The following AKAP6 variants were observed in gnomAD, a reference collection of about 807,000 sequenced individuals.
AKAP6 encodes the protein A-kinase anchoring protein 6, also known as A-kinase anchor protein 6.
AKAP6 carries 58 observed loss-of-function variants against 188.5 expected under a neutral mutation model. The observed-to-expected ratio is 0.31, with a 90% confidence interval of 0.25 to 0.38. The LOEUF (loss-of-function observed/expected upper bound fraction) is 0.38, where lower values mean the gene tolerates loss of function less well. AKAP6 is among the 10% of genes least tolerant of loss of function. AKAP6 has a pLI of 1.00. For synonymous variants in AKAP6, 989 were observed against 998.6 expected (o/e 0.99, Z 0.18); for missense variants, 2,710 against 2,740.0 (o/e 0.99, Z 0.24).
At chr14:32,750,745 T>TG (rs1566685794) in intron 11 of AKAP6, among the ~76,000 whole-genome samples, 164 of 141,486 alleles carry the variant, frequency 1.2e-3, no homozygotes, top group African/African-American at 4.2e-3. Context: ...TTGTTTTTTT[T>TG]TTTTTGTTTT....
intron 5 of AKAP6, among the ~76,000 whole-genome samples, chr14:32,593,601 T>C (rs1885572510): frequency 6.6e-6 from 1 of 152,152 alleles, no homozygotes; most frequent in African/African-American, 2.4e-5. Context: ...CTTTTGAAAA[T>C]GCTCTGATTT....
intron 5 of AKAP6, among the ~76,000 whole-genome samples, chr14:32,593,817 G>A (rs533130136): frequency 6.6e-6 from 1 of 152,196 alleles, no homozygotes; most frequent in South Asian, 2.1e-4. Flanking sequence ...TTATCAGTCT[G>A]GGCTTGCTCT....
In AKAP6 at chr14:32,830,082, A is replaced by C. The variant is rs36216228; in HGVS notation, c.*277A>C. The C allele has an allele frequency of 8.3e-3, 5,474 of 658,416 alleles. 68 individuals carry two copies. Among genetic ancestry groups the C allele is most frequent in the Non-Finnish European group, 0.01 (3,761 of 361,694 alleles). The allele number at this position is 658,416 out of a possible 1,614,324, so 40.8% of individuals were successfully genotyped here. A position where few individuals can be genotyped will look rare whatever the true frequency, so the allele number is the denominator to read the frequency against. On this transcript the variant is annotated 3_prime_UTR_variant, in exon 14 of 14. Coordinates refer to ENST00000280979, the MANE Select transcript of AKAP6 (RefSeq NM_004274.5). ...TGTTCTCCCATGGATTCCTGTCCCA[A>C]GCTACCTCTACCAACCCTCTCTCTC...
chr14:32,818,214 A>G (rs894729274), intron 12 of AKAP6, among the ~76,000 whole-genome samples: 2 of 152,196 alleles, frequency 1.3e-5, no homozygotes, highest in Non-Finnish European at 2.9e-5. Context: ...CACAATAAAT[A>G]TAAGAGGTTT....
chr14:32,617,835 C>T (rs1292413337), intron 7 of AKAP6, among the ~76,000 whole-genome samples: 2 of 152,108 alleles, frequency 1.3e-5, no homozygotes, highest in East Asian at 3.9e-4. Flanking sequence ...GCCATGTTGG[C>T]AGGCTGGCCT....
intron 12 of AKAP6, among the ~76,000 whole-genome samples, chr14:32,777,414 T>G (rs757746012): frequency 7.9e-5 from 12 of 152,050 alleles, no homozygotes; most frequent in Non-Finnish European, 8.8e-5. Flanking sequence ...GACAAAAACA[T>G]TAAAAGTTAT....
chr14:32,453,570 C>CTTTTTTTTT (rs1891006364), intron 2 of AKAP6, among the ~76,000 whole-genome samples: 1 of 70,914 alleles, frequency 1.4e-5, no homozygotes, highest in Non-Finnish European at 2.5e-5. Flanking sequence ...TAGAATTTTT[C>CTTTTTTTTT]TTTTCTTTTT....
chr14:32,473,640 C>A (rs1878896505), intron 2 of AKAP6: 1 of 152,168 alleles, frequency 6.6e-6, no homozygotes, highest in Admixed American at 6.5e-5. Flanking sequence ...CCTGCCAGGA[C>A]AAGGTTCATT....
chr14:32,740,995 A>C (rs1016845594), intron 11 of AKAP6, among the ~76,000 whole-genome samples: 1 of 150,634 alleles, frequency 6.6e-6, no homozygotes, highest in Non-Finnish European at 1.5e-5. Flanking sequence ...CAATCCATGA[A>C]AATGGAGTGT....
intron 1 of AKAP6, among the ~76,000 whole-genome samples, chr14:32,355,655 T>C (rs1414244121): frequency 1.3e-5 from 2 of 152,252 alleles, no homozygotes; most frequent in Non-Finnish European, 2.9e-5. Context: ...ACAACTACCA[T>C]AATTTTGAAC....
At chr14:32,446,905 CTT>C (rs1409833255) in intron 2 of AKAP6, among the ~76,000 whole-genome samples, 1 of 152,080 alleles carries the variant, frequency 6.6e-6, no homozygotes, top group Non-Finnish European at 1.5e-5. Flanking sequence ...ACTCATCACA[CTT>C]AAATTATTTG....
At chr14:32,462,174 G>T (rs527815410) in intron 2 of AKAP6, among the ~76,000 whole-genome samples, 9 of 152,238 alleles carry the variant, frequency 5.9e-5, no homozygotes, top group African/African-American at 1.9e-4. Context: ...TTATCCAGGA[G>T]AGCTTCCCCA....
intron 5 of AKAP6, among the ~76,000 whole-genome samples, chr14:32,582,369 TAGTC>T (rs1885017513): frequency 6.6e-6 from 1 of 151,998 alleles, no homozygotes; most frequent in African/African-American, 2.4e-5. Flanking sequence ...GATCCGCTGT[TAGTC>T]TGATGGGCTT....
In AKAP6 at chr14:32,546,065, T is replaced by A; in HGVS notation, c.1412T>A (p.Val471Asp). 1 of 1,614,176 alleles carries A rather than the reference T, an allele frequency of 6.2e-7. No homozygotes were observed. The highest frequency in any genetic ancestry group is 1.1e-5 in the South Asian group (1 of 91,082). ...GGGAATGGGAACCTTGAAAACACAG[T>A]CAAATTTCACATTAAAGAAATTTCT... The part of the protein sequence containing the change: ...KVGNGNLENT[V>D]KFHIKEISSS... The change falls in exon 4 of 14, where the codon GTC (valine) becomes GAC (aspartate). Residue 471 changes from valine (V) to aspartate (D), a missense_variant. By Grantham distance (152) the Val-to-Asp change is radical. Around this residue, in one of 2 missense-constraint regions of AKAP6, gnomAD observed 2,473 missense variants for 2,426.1 expected, o/e 1.02. Coordinates refer to ENST00000280979, the MANE Select transcript of AKAP6 (RefSeq NM_004274.5).
At chr14:32,570,291 C>A (rs1418248761) in intron 4 of AKAP6, among the ~76,000 whole-genome samples, 2 of 135,000 alleles carry the variant, frequency 1.5e-5, no homozygotes, top group African/African-American at 5.7e-5. Context: ...CCACCACGCC[C>A]AGCTGATTTT....
Position 32,773,899 on chromosome 14 carries a change from T to TTTTTTAAG in AKAP6, c.3588+6_3588+7insTTTTTAAG. On this transcript the variant is annotated splice_region_variant and intron_variant, in intron 12 of 13. Coordinates refer to ENST00000280979, the MANE Select transcript of AKAP6 (RefSeq NM_004274.5). ...AGAAGATGGGAAAGGAATCTGTGAG[T>TTTTTTAAG]GATGCTTTTTTTAAGCATAATTGTC... 1 of 1,612,632 alleles carries TTTTTTAAG rather than the reference T, an allele frequency of 6.2e-7. No individual in the cohort carries two copies. The highest frequency in any genetic ancestry group is 1.3e-5 in the African/African-American group (1 of 75,008).
intron 9 of AKAP6, among the ~76,000 whole-genome samples, chr14:32,704,806 TG>T (rs1343682904): frequency 6.6e-6 from 1 of 152,178 alleles, no homozygotes; most frequent in African/African-American, 2.4e-5. Flanking sequence ...AGGAAGGCAT[TG>T]GTTATCATAA....
intron 5 of AKAP6, among the ~76,000 whole-genome samples, chr14:32,592,844 G>A (rs1885542617): frequency 6.6e-6 from 1 of 152,118 alleles, no homozygotes; most frequent in Non-Finnish European, 1.5e-5. Context: ...GTACACAGAG[G>A]TTGGCCAAAG....
At chr14:32,410,926 A>T (rs1889462192) in intron 1 of AKAP6, among the ~76,000 whole-genome samples, 3 of 152,210 alleles carry the variant, frequency 2.0e-5, no homozygotes, top group Admixed American at 1.3e-4. Context: ...TTCAAGCATA[A>T]ATTGTAAGTG....
Sources: gnomAD v4.1 joint callset for allele counts (sites outside exome capture counted in the v4.1 genomes callset) on GRCh38, gnomAD v4.1.1 for gene constraint, gnomAD v4.1.1 regional missense constraint, MANE v1.5 for transcripts, NCBI Gene and HGNC (gene_info 2026-07-23, HGNC 2026-07-21) for gene names.